Variants in FBRSL1 observed in about 807,000 individuals in gnomAD.
The protein encoded by FBRSL1 is fibrosin like 1.
In FBRSL1, 51 loss-of-function variants were observed where a neutral mutation model predicts 89.6. The observed-to-expected ratio is 0.57, with a 90% confidence interval of 0.45 to 0.72. FBRSL1 has a LOEUF of 0.72. Among genes scored for constraint, FBRSL1 ranks in the 30% least tolerant of loss-of-function variants. The probability of loss-of-function intolerance (pLI) is 0.00; values close to 1 mark genes in which losing one functional copy is unlikely to be tolerated. For synonymous variants in FBRSL1, 779 were observed against 681.1 expected (o/e 1.14, Z -2.24); for missense variants, 1,618 against 1,451.8 (o/e 1.11, Z -1.86).
chr12:132,543,241 A>G (rs909563052), intron 4 of FBRSL1, among the ~76,000 whole-genome samples: 10 of 152,242 alleles, frequency 6.6e-5, no homozygotes, highest in Non-Finnish European at 1.5e-4. Flanking sequence ...CAGAAGCCCC[A>G]TGAAGGTGCC....
At chr12:132,500,213 C>T (rs553842545) in intron 1 of FBRSL1, among the ~76,000 whole-genome samples, 12 of 152,244 alleles carry the variant, frequency 7.9e-5, no homozygotes, top group African/African-American at 2.9e-4. Flanking sequence ...AGTCTGTGGC[C>T]GCCACCTTCC....
At chr12:132,507,105 C>A in intron 1 of FBRSL1, 1 of 726,118 alleles carries the variant, frequency 1.4e-6, no homozygotes, top group Non-Finnish European at 1.7e-6. Context: ...CCCAGGGACA[C>A]CATGGCTCTA....
intron 2 of FBRSL1, among the ~76,000 whole-genome samples, chr12:132,518,945 C>T (rs1212768021): frequency 6.6e-6 from 1 of 151,960 alleles, no homozygotes; most frequent in African/African-American, 2.4e-5. Context: ...GTCCATCTAT[C>T]CACCCATGCA....
Position 132,583,867 on chromosome 12 carries a change from T to C in FBRSL1, c.*89T>C. The stretch of plus-strand genomic sequence containing the variant: ...AGAACTCAAGCACAGCTCCCGCCGA[T>C]CCTGGGGCGGCGCCGCCTCTCCACC... On this transcript the variant is annotated 3_prime_UTR_variant, in exon 19 of 19. Transcript: ENST00000680143. The C allele has an allele frequency of 2.6e-6, 2 of 783,042 alleles. No individual in the cohort carries two copies. The highest frequency in any genetic ancestry group is 3.3e-6 in the Non-Finnish European group (2 of 613,614). The allele number at this position is 783,042 out of a possible 1,614,324, so 48.5% of individuals were successfully genotyped here. A position where few individuals can be genotyped will look rare whatever the true frequency, so the allele number is the denominator to read the frequency against.
chr12:132,550,969 G>A (rs893272788), intron 5 of FBRSL1: 21 of 235,314 alleles, frequency 8.9e-5, no homozygotes, highest in Non-Finnish European at 1.6e-4. Flanking sequence ...CAGAGGCGTA[G>A]GCAGGTGTGG....
rs1357262072 is a variant in FBRSL1, at chr12:132,572,323, CTTCCGACA to C, written c.1418_1425del (p.Arg473GlnfsTer35). ...ATGCGCCCAAGCTGGACAGCCCCTA[CTTCCGACA>C]TTCCAGCGTGAGTGTGAGTGTCCCC... On this transcript the variant is annotated frameshift_variant, in exon 10 of 19. Transcript: ENST00000680143. LOFTEE classifies it high-confidence loss of function. 1 of 1,551,222 alleles carries C rather than the reference CTTCCGACA, an allele frequency of 6.4e-7. No homozygotes were observed.
At chr12:132,509,947 G>A (rs754514090) in intron 2 of FBRSL1, 105 of 1,231,020 alleles carry the variant, frequency 8.5e-5, no homozygotes, top group Non-Finnish European at 9.7e-5. Context: ...GGCCAGCCCC[G>A]AAGGTCCCTG....
intron 2 of FBRSL1, among the ~76,000 whole-genome samples, chr12:132,514,010 G>C (rs576822107): frequency 5.3e-5 from 8 of 152,306 alleles, no homozygotes; most frequent in African/African-American, 1.9e-4. Context: ...AATAGCCACA[G>C]TCCCTCCCCC....
At chr12:132,491,895 A>G (rs2031061133) in intron 1 of FBRSL1, among the ~76,000 whole-genome samples, 1 of 152,222 alleles carries the variant, frequency 6.6e-6, no homozygotes, top group African/African-American at 2.4e-5. Context: ...TCCCAAGTGC[A>G]CGGACAGAGC....
At chr12:132,493,190 C>T (rs1341577009) in intron 1 of FBRSL1, among the ~76,000 whole-genome samples, 2 of 152,236 alleles carry the variant, frequency 1.3e-5, no homozygotes, top group Non-Finnish European at 2.9e-5. Flanking sequence ...ACACGGGACA[C>T]CGAGGGAGAT....
chr12:132,578,397 G>A (rs11146950), intron 15 of FBRSL1, among the ~76,000 whole-genome samples: 105,098 of 151,220 alleles, frequency 0.7, 36,749 homozygotes, highest in East Asian at 0.82. Flanking sequence ...TTTGCCATTC[G>A]CTGTGTGGAA....
intron 2 of FBRSL1, chr12:132,510,864 C>G: frequency 9.6e-7 from 1 of 1,037,678 alleles, no homozygotes; most frequent in Non-Finnish European, 1.2e-6. Context: ...ATTGCCAATA[C>G]TGTCCTTGCA....
At chr12:132,517,056 G>A (rs1046850904) in intron 2 of FBRSL1, among the ~76,000 whole-genome samples, 10 of 152,236 alleles carry the variant, frequency 6.6e-5, no homozygotes. Flanking sequence ...AGACGCTAGA[G>A]GCTTATCTTT....
chr12:132,570,398 C>A lies in FBRSL1; in HGVS notation c.1071C>A (p.Gly357=). ...KHVSLSPHGP[G]PHLSTSHLAL... is the part of the protein sequence containing the mutation. ...TGTCGCTGTCGCCACACGGGCCGGG[C>A]CCCCACCTGTCTACCTCACACCTGG... Residue 357 remains glycine (G), a synonymous_variant, in exon 8 of 19, where the codon GGC becomes GGA. Transcript: ENST00000680143. The A allele has an allele frequency of 6.5e-7, 1 of 1,534,700 alleles. No individual in the cohort carries two copies. The highest frequency in any genetic ancestry group is 8.7e-7 in the Non-Finnish European group (1 of 1,145,696).
intron 2 of FBRSL1, among the ~76,000 whole-genome samples, chr12:132,521,648 G>C (rs1010668579): frequency 6.6e-6 from 1 of 152,208 alleles, no homozygotes; most frequent in Non-Finnish European, 1.5e-5. Context: ...CATGGGATGG[G>C]GTGTGAGAGT....
intron 2 of FBRSL1, among the ~76,000 whole-genome samples, chr12:132,520,504 C>G (rs2035255988): frequency 6.6e-6 from 1 of 152,238 alleles, no homozygotes; most frequent in Non-Finnish European, 1.5e-5. Flanking sequence ...CCTCCAAACG[C>G]CCGAGGGTGG....
At chr12:132,542,223 C>T (rs1192442713) in intron 4 of FBRSL1, among the ~76,000 whole-genome samples, 1 of 152,208 alleles carries the variant, frequency 6.6e-6, no homozygotes, top group Non-Finnish European at 1.5e-5. Flanking sequence ...CTCCTCGTAT[C>T]CCCGGGCACC....
At chr12:132,559,910 G>A (rs1331514227) in intron 5 of FBRSL1, 1 of 149,826 alleles carries the variant, frequency 6.7e-6, no homozygotes, top group South Asian at 1.9e-4. Flanking sequence ...GGCTGGATTA[G>A]TCGGGTCTGC....
chr12:132,574,186 C>A, intron 12 of FBRSL1, 28 bp downstream of exon 12: 1 of 1,428,598 alleles, frequency 7.0e-7, no homozygotes, highest in Admixed American at 3.0e-5. Flanking sequence ...CCCGTCCCCA[C>A]CCCGGGGGAT....
Sources: allele counts gnomAD v4.1 joint callset (sites outside exome capture counted in the v4.1 genomes callset), GRCh38; gene constraint gnomAD v4.1.1; transcripts MANE v1.5; gene names NCBI Gene and HGNC (gene_info 2026-07-23, HGNC 2026-07-21).